The following PLOD2 variants were observed in gnomAD, a reference collection of about 807,000 sequenced individuals.
PLOD2 encodes lysine hydroxylase 2.
Under a neutral mutation model 101.0 loss-of-function variants are expected in PLOD2, and 65 were observed. The observed-to-expected ratio is 0.64, with a 90% confidence interval of 0.53 to 0.79. The LOEUF is 0.79. Ranked by LOEUF, PLOD2 falls within the 30% of genes least tolerant of loss-of-function variation. The probability of loss-of-function intolerance (pLI) is 0.00; values close to 1 mark genes in which losing one functional copy is unlikely to be tolerated. For missense variants in PLOD2, 909 were observed against 914.6 expected, an observed-to-expected ratio of 0.99 and a Z score of 0.08; for synonymous variants, 314 against 302.9, an observed-to-expected ratio of 1.04 and a Z score of -0.38.
At chr3:146,113,149 GT>G (rs1937726976) in intron 3 of PLOD2, among the ~76,000 whole-genome samples, 1 of 152,036 alleles carries the variant, frequency 6.6e-6, no homozygotes, top group Admixed American at 6.6e-5. Context: ...ATAATTTAGC[GT>G]TTTATAAGCC....
At chr3:146,123,025 CTATAT>C (rs941726101) in intron 2 of PLOD2, among the ~76,000 whole-genome samples, 10 of 152,010 alleles carry the variant, frequency 6.6e-5, no homozygotes, top group African/African-American at 7.2e-5. Flanking sequence ...TTCATTTATC[CTATAT>C]TAAACATCTA....
intron 1 of PLOD2, among the ~76,000 whole-genome samples, chr3:146,152,203 G>A (rs2032088060): frequency 6.6e-6 from 1 of 152,134 alleles, no homozygotes; most frequent in African/African-American, 2.4e-5. Context: ...TGGATCATCT[G>A]AGGTCAGGAG....
At chr3:146,129,577 G>C (rs1415327950) in intron 1 of PLOD2, among the ~76,000 whole-genome samples, 1 of 152,098 alleles carries the variant, frequency 6.6e-6, no homozygotes, top group Non-Finnish European at 1.5e-5. Context: ...AGTAAAATGA[G>C]TTAGTATATA....
intron 1 of PLOD2, among the ~76,000 whole-genome samples, chr3:146,159,341 G>C (rs750256420): frequency 6.6e-6 from 1 of 152,174 alleles, no homozygotes; most frequent in Admixed American, 6.5e-5. Context: ...TCCAGAGTGA[G>C]AAGGGAATTT....
Position 146,081,776 on chromosome 3 carries a change from T to C in PLOD2, c.1320A>G (p.Arg440=). 1.9e-6 allele frequency: 3 copies of C among 1,610,206 alleles called. No individual in the cohort carries two copies. The highest frequency in any genetic ancestry group is 2.5e-6 in the Non-Finnish European group (3 of 1,176,570). The change falls in exon 12 of 20, where the codon CGA becomes CGG. Residue 440 remains arginine, a synonymous_variant. Transcript: ENST00000282903. ...GALSPDGYYA[R]SEDYVDIVQG... ...GAACAATATCCACATAATCTTCAGA[T>C]CGTGCATAGTATCCATCAGGACTCA...
At chr3:146,144,927 A>G (rs2031704809) in intron 1 of PLOD2, among the ~76,000 whole-genome samples, 1 of 152,116 alleles carries the variant, frequency 6.6e-6, no homozygotes, top group Non-Finnish European at 1.5e-5. Context: ...ATTTAAATTT[A>G]TTCTTAACTA....
At chr3:146,093,377 C>T (rs1227763841) in intron 7 of PLOD2, among the ~76,000 whole-genome samples, 1 of 152,088 alleles carries the variant, frequency 6.6e-6, no homozygotes, top group Non-Finnish European at 1.5e-5. Flanking sequence ...AATTACAAGG[C>T]AGGAAAGATG....
chr3:146,146,526 G>A (rs1042999367), intron 1 of PLOD2, among the ~76,000 whole-genome samples: 1 of 152,150 alleles, frequency 6.6e-6, no homozygotes, highest in African/African-American at 2.4e-5. Flanking sequence ...CGGAGAGGGA[G>A]AGAAAGAGAG....
chr3:146,100,361 A>G (rs758170491), intron 7 of PLOD2, among the ~76,000 whole-genome samples: 2 of 152,216 alleles, frequency 1.3e-5, no homozygotes, highest in African/African-American at 2.4e-5. Flanking sequence ...AAGACAGATA[A>G]GGTTTCTGTA....
Position 146,125,706 on chromosome 3 carries a change from G to A in PLOD2, c.110-1477C>T, listed in dbSNP as rs143164143. The stretch of plus-strand genomic sequence containing the variant: ...AGATGGTAGTGAGCCAAGATCACAC[G>A]GCTGCACTCCAGCCTAGGTGATGAG... On this transcript the variant is annotated intron_variant, in intron 1 of 19. Coordinates refer to ENST00000282903, the MANE Select transcript of PLOD2 (RefSeq NM_182943.3). Among the ~76,000 whole-genome samples, 688 of 152,090 alleles carry A rather than the reference G, an allele frequency of 4.5e-3. 3 individuals carry two copies. The highest frequency in any genetic ancestry group is 7.2e-3 in the Non-Finnish European group (488 of 67,966).
At position 146,110,377 on chromosome 3, in the gene PLOD2, A is replaced by C. The variant is rs749864323; in HGVS notation, c.410T>G (p.Val137Gly). ...CCACAAAATTCCATCTGCTGCAAAGACCACTTTGTGGTTTGCCTTTTGGAA... is the reference window on the plus strand; with the variant it reads ...CCACAAAATTCCATCTGCTGCAAAGCCCACTTTGTGGTTTGCCTTTTGGAA... ...KKFQKANHKV[V>G]FAADGILWPD... is the part of the protein sequence containing the mutation. Residue 137 changes from valine to glycine, a missense_variant, in exon 4 of 20, where the codon GTC (valine) becomes GGC (glycine). Physicochemically the swap from Val to Gly is moderately radical, Grantham distance 109 (BLOSUM62 -3). Transcript: ENST00000282903. 1 of 1,613,600 alleles carries C rather than the reference A, an allele frequency of 6.2e-7. No individual in the cohort carries two copies. Among genetic ancestry groups the C allele is most frequent in the Non-Finnish European group, 8.5e-7 (1 of 1,179,624 alleles).
intron 1 of PLOD2, among the ~76,000 whole-genome samples, chr3:146,140,074 A>T (rs1456664279): frequency 6.6e-6 from 1 of 152,096 alleles, no homozygotes; most frequent in African/African-American, 2.4e-5. Context: ...TCTCTTTTGA[A>T]CGCAATTTAA....
chr3:146,105,753 T>C (rs1204385657), intron 5 of PLOD2, among the ~76,000 whole-genome samples: 2 of 152,230 alleles, frequency 1.3e-5, no homozygotes, highest in Non-Finnish European at 2.9e-5. Context: ...TCACAGACTA[T>C]GTGGTCTCAG....
chr3:146,102,077 G>A (rs752666047), intron 7 of PLOD2, among the ~76,000 whole-genome samples: 4 of 152,164 alleles, frequency 2.6e-5, no homozygotes, highest in Non-Finnish European at 4.4e-5. Flanking sequence ...ACAAAAATCT[G>A]TTAATCCCTT....
intron 1 of PLOD2, among the ~76,000 whole-genome samples, chr3:146,124,802 G>A (rs557545749): frequency 4.0e-5 from 6 of 151,884 alleles, no homozygotes; most frequent in Admixed American, 3.3e-4. Flanking sequence ...TCTTACAAGC[G>A]ACAACATTAT....
chr3:146,097,802 A>AAAT (rs1371202605), intron 7 of PLOD2, among the ~76,000 whole-genome samples: 2 of 99,608 alleles, frequency 2.0e-5, no homozygotes, highest in South Asian at 3.1e-4. Flanking sequence ...CAATAAAAAA[A>AAAT]AAATAATAAT....
At chr3:146,140,047 G>C (rs182891919) in intron 1 of PLOD2, among the ~76,000 whole-genome samples, 3 of 152,078 alleles carry the variant, frequency 2.0e-5, no homozygotes, top group African/African-American at 7.2e-5. Context: ...ATTTAAGGTA[G>C]ATGTTCATAA....
chr3:146,095,666 A>G (rs1205173983), intron 7 of PLOD2, among the ~76,000 whole-genome samples: 1 of 152,178 alleles, frequency 6.6e-6, no homozygotes, highest in East Asian at 1.9e-4. Context: ...TCAAGGATCT[A>G]GAACCAGAAA....
In PLOD2 at chr3:146,070,464, A is replaced by C; in HGVS notation, c.*253T>G. 3.9e-6 allele frequency: 1 copy of C among 255,518 alleles called. No homozygotes were observed. Among genetic ancestry groups the C allele is most frequent in the Non-Finnish European group, 7.4e-6 (1 of 135,056 alleles). 15.8% of individuals were successfully genotyped at this position (255,518 alleles called of 1,614,324 possible). A position where few individuals can be genotyped will look rare whatever the true frequency, so the allele number is the denominator to read the frequency against. Reference sequence around the variant, plus strand: ...TAAATTGTCATTATTCTCAGAGGCAACAAAGCATAGAAATAAATATTTAAG... The same window carrying C: ...TAAATTGTCATTATTCTCAGAGGCACCAAAGCATAGAAATAAATATTTAAG... On this transcript the variant is annotated 3_prime_UTR_variant, in exon 20 of 20. Coordinates refer to ENST00000282903, the MANE Select transcript of PLOD2 (RefSeq NM_182943.3).
Sources: allele counts gnomAD v4.1 joint callset (sites outside exome capture counted in the v4.1 genomes callset), GRCh38; gene constraint gnomAD v4.1.1; transcripts MANE v1.5; gene names NCBI Gene and HGNC (gene_info 2026-07-23, HGNC 2026-07-21).